Variants in MECOM observed in about 807,000 individuals in gnomAD.
The protein encoded by MECOM is histone-lysine N-methyltransferase MECOM.
Under a neutral mutation model 116.3 loss-of-function variants are expected in MECOM, and 13 were observed. The ratio of observed to expected loss-of-function variants is 0.11; its 90% CI spans 0.07 to 0.18. MECOM has a LOEUF of 0.18. MECOM is among the 10% of genes least tolerant of loss of function. The probability of loss-of-function intolerance (pLI) is 1.00; values close to 1 mark genes in which losing one functional copy is unlikely to be tolerated. For synonymous variants in MECOM, 528 were observed against 535.2 expected (o/e 0.99, Z 0.19); for missense variants, 1,299 against 1,509.0 (o/e 0.86, Z 2.31).
chr3:169,472,619 AAAG>A lies in MECOM; in HGVS notation c.38-91098_38-91096del, dbSNP rs1367757881. On this transcript the variant is annotated intron_variant, in intron 1 of 16. Transcript: ENST00000651503. ...AAAGGAAAGGAAAGGAAAGGAAAGA[AAAG>A]AAAAGAAAAGAAAAGGAAAGGAAAG... Among the ~76,000 whole-genome samples the A allele has an allele frequency of 8.0e-5, 6 of 75,288 alleles. 1 individual carries two copies. The highest frequency in any genetic ancestry group is 1.6e-4 in the African/African-American group (2 of 12,378). 49.4% of individuals were successfully genotyped at this position (75,288 alleles called of 152,430 possible).
chr3:169,135,454 AT>A (rs1403353998), intron 3 of MECOM, among the ~76,000 whole-genome samples: 10 of 152,022 alleles, frequency 6.6e-5, no homozygotes, highest in Non-Finnish European at 1.5e-5. Flanking sequence ...AAAAAACTCA[AT>A]TCTTCCCAAT....
At chr3:169,529,895 G>A (rs1242526586) in intron 1 of MECOM, among the ~76,000 whole-genome samples, 1 of 152,138 alleles carries the variant, frequency 6.6e-6, no homozygotes, top group Non-Finnish European at 1.5e-5. Context: ...GTTGGGCACT[G>A]GAGAGAAGAA....
intron 2 of MECOM, among the ~76,000 whole-genome samples, chr3:169,229,459 G>A (rs1032056521): frequency 6.6e-6 from 1 of 152,118 alleles, no homozygotes; most frequent in South Asian, 2.1e-4. Flanking sequence ...GACTGGCAAG[G>A]CTTAATCTTA....
chr3:169,258,309 T>C (rs1757126283), intron 2 of MECOM, among the ~76,000 whole-genome samples: 1 of 152,150 alleles, frequency 6.6e-6, no homozygotes, highest in African/African-American at 2.4e-5. Flanking sequence ...TATAGAAAGA[T>C]CTGGAAAACC....
rs749357574 is a variant in MECOM, at chr3:169,093,036, T to C, written c.3086A>G (p.Asp1029Gly). ...ATTTCGAATTTCTGTGAAGTAAGCA[T>C]CTTCTTTGTCATCCAGAATCGCACC... is the stretch of plus-strand genomic sequence containing the variant. ...STGAILDDKE[D>G]AYFTEIRNFI... The change falls in exon 14 of 17, where the codon GAT becomes GGT. Residue 1029 changes from aspartate to glycine, a missense_variant. Coordinates refer to ENST00000651503, the MANE Select transcript of MECOM (RefSeq NM_004991.4). 1 of 1,613,906 alleles carries C rather than the reference T, an allele frequency of 6.2e-7. No homozygotes were observed. Among genetic ancestry groups the C allele is most frequent in the Non-Finnish European group, 8.5e-7 (1 of 1,179,826 alleles).
At position 169,606,474 on chromosome 3, in the gene MECOM, C is replaced by T. The variant is rs1010961952; in HGVS notation, c.37+56862G>A. ...GATACCCAGTGTTTTAAATGATAAACGTGTTGGTGTGCTTCTATGTGCCAG... is the reference window on the plus strand; with the variant it reads ...GATACCCAGTGTTTTAAATGATAAATGTGTTGGTGTGCTTCTATGTGCCAG... On this transcript the variant is annotated intron_variant, in intron 1 of 16. Transcript: ENST00000651503. Among the ~76,000 whole-genome samples, 5 of 151,172 alleles carry T rather than the reference C, an allele frequency of 3.3e-5. No individual in the cohort carries two copies. The South Asian group carries it at 1.1e-3, about 32-fold the overall frequency.
chr3:169,113,004 T>C (rs553675381), intron 8 of MECOM, 130 bp from the exon 9 acceptor site: 2 of 630,282 alleles, frequency 3.2e-6, no homozygotes, highest in Admixed American at 3.0e-5. Context: ...CATAAAACTA[T>C]AGAGACATCT....
At chr3:169,243,413 G>A (rs1002151659) in intron 2 of MECOM, among the ~76,000 whole-genome samples, 5 of 152,126 alleles carry the variant, frequency 3.3e-5, no homozygotes, top group Non-Finnish European at 5.9e-5. Flanking sequence ...GTTTTAAAGT[G>A]CCTGAAGGAT....
intron 2 of MECOM, chr3:169,149,766 G>A (rs1034597331): frequency 2.3e-6 from 1 of 441,988 alleles, no homozygotes; most frequent in African/African-American, 2.0e-5. Flanking sequence ...CTAGAAGAAT[G>A]GAGAATTCAT....
At chr3:169,412,525 C>A (rs151031964) in intron 1 of MECOM, among the ~76,000 whole-genome samples, 1 of 151,896 alleles carries the variant, frequency 6.6e-6, no homozygotes, top group African/African-American at 2.4e-5. Context: ...CTGAAAGCTA[C>A]GATCTATTGA....
chr3:169,338,501 G>A (rs1006307134), intron 2 of MECOM, among the ~76,000 whole-genome samples: 1 of 152,062 alleles, frequency 6.6e-6, no homozygotes, highest in Non-Finnish European at 1.5e-5. Context: ...TGTGAACTGG[G>A]GCTATCAGAA....
chr3:169,343,948 T>G (rs1036910541), intron 2 of MECOM, among the ~76,000 whole-genome samples: 1 of 152,170 alleles, frequency 6.6e-6, no homozygotes, highest in Non-Finnish European at 1.5e-5. Flanking sequence ...CTCAAAGTAT[T>G]GCTTTTCTAA....
At chr3:169,396,703 G>T (rs1202735173) in intron 1 of MECOM, among the ~76,000 whole-genome samples, 1 of 152,170 alleles carries the variant, frequency 6.6e-6, no homozygotes, top group African/African-American at 2.4e-5. Flanking sequence ...AGGCATGGTG[G>T]CTCACGCCTG....
At chr3:169,239,706 G>A (rs7635395) in intron 2 of MECOM, among the ~76,000 whole-genome samples, 61,398 of 151,800 alleles carry the variant, frequency 0.4, 13,859 homozygotes, top group Middle Eastern at 0.57. Flanking sequence ...CCAAGAAATT[G>A]TATTTTTTTC....
Position 169,663,496 on chromosome 3 carries a change from C to CTCTG in MECOM, c.-125_-124insCAGA, listed in dbSNP as rs1776604429. The CTCTG allele has an allele frequency of 1.6e-6, 1 of 638,118 alleles. No individual in the cohort carries two copies. The highest frequency in any genetic ancestry group is 2.8e-6 in the Non-Finnish European group (1 of 360,878). The allele number at this position is 638,118 out of a possible 1,614,324, so 39.5% of individuals were successfully genotyped here. ...CCTGTCTCTCTCTCTCTCTCTCTCT[C>CTCTG]TCTCTCTCTCTCTCTCTCTCTCTCT... On this transcript the variant is annotated 5_prime_UTR_variant, in exon 1 of 17. Coordinates refer to ENST00000651503, the MANE Select transcript of MECOM (RefSeq NM_004991.4).
intron 2 of MECOM, among the ~76,000 whole-genome samples, chr3:169,228,919 A>C (rs1753060196): frequency 6.6e-6 from 1 of 152,240 alleles, no homozygotes; most frequent in African/African-American, 2.4e-5. Context: ...CACTGTATGC[A>C]CTGATATTTT....
chr3:169,268,468 C>A (rs1758566551), intron 2 of MECOM, among the ~76,000 whole-genome samples: 1 of 152,192 alleles, frequency 6.6e-6, no homozygotes, highest in African/African-American at 2.4e-5. Flanking sequence ...ATGATGCTAT[C>A]TTCTTGTACT....
At chr3:169,453,473 C>T (rs1745945755) in intron 1 of MECOM, among the ~76,000 whole-genome samples, 1 of 152,216 alleles carries the variant, frequency 6.6e-6, no homozygotes, top group Non-Finnish European at 1.5e-5. Context: ...ACAGCCTTCG[C>T]AGATAAAATA....
chr3:169,433,809 C>T (rs911944647), intron 1 of MECOM, among the ~76,000 whole-genome samples: 12 of 151,970 alleles, frequency 7.9e-5, no homozygotes, highest in Non-Finnish European at 1.5e-4. Context: ...AGGGCTTGTC[C>T]CCAGAGATTT....
Sources: allele counts gnomAD v4.1 joint callset (sites outside exome capture counted in the v4.1 genomes callset), GRCh38; gene constraint gnomAD v4.1.1; transcripts MANE v1.5; gene names NCBI Gene and HGNC (gene_info 2026-07-23, HGNC 2026-07-21).